Variants in DCDC1 observed in about 807,000 individuals in gnomAD.
DCDC1 encodes doublecortin domain-containing protein 1.
DCDC1 carries 200 observed loss-of-function variants against 178.3 expected under a neutral mutation model. The ratio of observed to expected loss-of-function variants is 1.12; its 90% confidence interval spans 1.00 to 1.26. The LOEUF (loss-of-function observed/expected upper bound fraction) is 1.26. Among genes scored for constraint, DCDC1 ranks in the 50% most tolerant of loss-of-function variants. DCDC1 has a pLI of 0.00. For missense variants in DCDC1, 1,983 were observed against 1,749.2 expected (o/e 1.13, Z -2.38); for synonymous variants, 690 against 604.8 (o/e 1.14, Z -2.07).
intron 20 of DCDC1, among the ~76,000 whole-genome samples, chr11:30,984,611 TCAAA>T (rs1233292154): frequency 6.6e-6 from 1 of 152,176 alleles, no homozygotes; most frequent in Non-Finnish European, 1.5e-5. Flanking sequence ...TTTCATATCC[TCAAA>T]CAAAGGTGGG....
At chr11:30,998,987 G>A (rs1404487053) in intron 20 of DCDC1, among the ~76,000 whole-genome samples, 3 of 152,146 alleles carry the variant, frequency 2.0e-5, no homozygotes, top group African/African-American at 7.2e-5. Flanking sequence ...TATTACTTCT[G>A]TGGTATTTTC....
At chr11:31,023,193 T>C (rs1953001770) in intron 20 of DCDC1, among the ~76,000 whole-genome samples, 3 of 152,118 alleles carry the variant, frequency 2.0e-5, no homozygotes, top group African/African-American at 7.2e-5. Flanking sequence ...CCTGCCTTAG[T>C]TTATAATTAT....
intron 9 of DCDC1, among the ~76,000 whole-genome samples, chr11:31,168,334 T>A (rs555254943): frequency 2.0e-5 from 3 of 152,200 alleles, no homozygotes; most frequent in Admixed American, 2.0e-4. Context: ...CAACAATCCA[T>A]AAATTTATGA....
chr11:31,148,380 C>A (rs1440590435), intron 9 of DCDC1, among the ~76,000 whole-genome samples: 1 of 151,904 alleles, frequency 6.6e-6, no homozygotes, highest in Non-Finnish European at 1.5e-5. Context: ...AACCCCATCT[C>A]TACCAAAAAT....
chr11:30,987,717 C>T (rs1950735031), intron 20 of DCDC1, among the ~76,000 whole-genome samples: 1 of 152,214 alleles, frequency 6.6e-6, no homozygotes, highest in Admixed American at 6.5e-5. Context: ...CAACCCATGG[C>T]CCATTGGCCA....
intron 20 of DCDC1, among the ~76,000 whole-genome samples, chr11:31,033,969 C>T (rs890325337): frequency 7.3e-6 from 1 of 137,170 alleles, no homozygotes. Flanking sequence ...CATAGTAAAA[C>T]CCTGTCTCTA....
intron 8 of DCDC1, among the ~76,000 whole-genome samples, chr11:31,243,609 C>A (rs1267425653): frequency 2.6e-5 from 4 of 151,562 alleles, no homozygotes; most frequent in Non-Finnish European, 5.9e-5. Flanking sequence ...AACAAAAATT[C>A]TAAGTTTTTC....
chr11:30,878,413 C>A, intron 38 of DCDC1, 131 bp downstream of exon 38: 1 of 825,174 alleles, frequency 1.2e-6, no homozygotes, highest in South Asian at 2.4e-5. Context: ...GTGATTGTGC[C>A]ACTACACTCC....
At chr11:31,251,156 A>T (rs1431977097) in intron 8 of DCDC1, among the ~76,000 whole-genome samples, 2 of 152,208 alleles carry the variant, frequency 1.3e-5, no homozygotes, top group African/African-American at 4.8e-5. Context: ...CATGTAGTTT[A>T]CACTCTAGAT....
At position 30,988,787 on chromosome 11, in the gene DCDC1, A is replaced by C. The variant is rs118083079; in HGVS notation, c.2592-36219T>G. Among the ~76,000 whole-genome samples, 16 of 152,360 alleles carry C rather than the reference A, an allele frequency of 1.1e-4. No individual in the cohort carries two copies. In the East Asian group the frequency reaches 3.1e-3, roughly 29 times the overall value. The stretch of plus-strand genomic sequence containing the variant: ...CAAATTTGTGTTGGGTCACATTCAA[A>C]GGCATCGTAGGCTACATGTGGCCCA... On this transcript the variant is annotated intron_variant, in intron 20 of 38. Coordinates refer to ENST00000684477, the MANE Select transcript of DCDC1 (RefSeq NM_001387274.1).
chr11:31,104,156 G>A (rs756298110), intron 13 of DCDC1, among the ~76,000 whole-genome samples: 8 of 152,010 alleles, frequency 5.3e-5, no homozygotes, highest in South Asian at 2.1e-4. Flanking sequence ...ATTTGGCCAC[G>A]AACAACTATT....
At chr11:31,090,231 T>C (rs1957733660) in intron 17 of DCDC1, among the ~76,000 whole-genome samples, 1 of 152,196 alleles carries the variant, frequency 6.6e-6, no homozygotes, top group Non-Finnish European at 1.5e-5. Context: ...GCCTGATTTT[T>C]TCAAGTGATG....
At chr11:30,976,850 A>C (rs550220777) in intron 20 of DCDC1, among the ~76,000 whole-genome samples, 1 of 152,306 alleles carries the variant, frequency 6.6e-6, no homozygotes, top group African/African-American at 2.4e-5. Context: ...CCAAAGGAAA[A>C]GAAATCAGTA....
intron 16 of DCDC1, among the ~76,000 whole-genome samples, chr11:31,091,956 G>A (rs1249787880): frequency 6.6e-6 from 1 of 152,248 alleles, no homozygotes; most frequent in South Asian, 2.1e-4. Flanking sequence ...AATATCATGG[G>A]TTAAACATTT....
chr11:30,977,128 G>A (rs911344190), intron 20 of DCDC1, among the ~76,000 whole-genome samples: 3 of 152,038 alleles, frequency 2.0e-5, no homozygotes, highest in Admixed American at 2.0e-4. Context: ...AGCTAAAAAT[G>A]TTGATTTCAT....
chr11:30,923,401 C>T (rs1457791281), intron 23 of DCDC1, among the ~76,000 whole-genome samples: 16 of 130,566 alleles, frequency 1.2e-4, no homozygotes, highest in Non-Finnish European at 1.6e-4. Flanking sequence ...TCCTCTTCTC[C>T]TTTTTTTTTT....
intron 18 of DCDC1, among the ~76,000 whole-genome samples, chr11:31,073,872 ATGT>A (rs1398736560): frequency 6.6e-6 from 1 of 152,216 alleles, no homozygotes; most frequent in Non-Finnish European, 1.5e-5. Flanking sequence ...AGGGAAGGAA[ATGT>A]TATTATAACA....
intron 20 of DCDC1, among the ~76,000 whole-genome samples, chr11:30,961,665 A>G (rs1351536198): frequency 6.6e-6 from 1 of 152,070 alleles, no homozygotes; most frequent in Non-Finnish European, 1.5e-5. Context: ...GATATTATTC[A>G]TACGGGTACA....
intron 15 of DCDC1, among the ~76,000 whole-genome samples, chr11:31,097,367 C>A (rs1488409941): frequency 6.6e-6 from 1 of 152,178 alleles, no homozygotes; most frequent in East Asian, 1.9e-4. Context: ...TAGAGCACAA[C>A]CCTCATTTGA....
Sources: gnomAD v4.1 joint callset for allele counts (sites outside exome capture counted in the v4.1 genomes callset) on GRCh38, gnomAD v4.1.1 for gene constraint, MANE v1.5 for transcripts, NCBI Gene and HGNC (gene_info 2026-07-23, HGNC 2026-07-21) for gene names.